Variants in CDH9 observed in about 807,000 individuals in gnomAD.
CDH9 encodes cadherin 9.
A neutral mutation model predicts 70.9 loss-of-function variants in CDH9; 28 were observed. The observed-to-expected ratio is 0.40, with a 90% CI of 0.29 to 0.54. The LOEUF (loss-of-function observed/expected upper bound fraction) is 0.54, where lower values mean the gene tolerates loss of function less well. Ranked by LOEUF, CDH9 falls within the 20% of genes least tolerant of loss-of-function variation. CDH9 has a pLI of 0.59. For synonymous variants in CDH9, 409 were observed against 343.1 expected, an observed-to-expected ratio of 1.19 and a Z score of -2.12; for missense variants, 874 against 984.4, an observed-to-expected ratio of 0.89 and a Z score of 1.50.
chr5:26,939,101 T>A (rs1358162799), intron 2 of CDH9, among the ~76,000 whole-genome samples: 9 of 151,940 alleles, frequency 5.9e-5, no homozygotes, highest in Admixed American at 5.9e-4. Flanking sequence ...TTTCACCAAG[T>A]TATTGGAAGG....
At chr5:26,927,685 A>G (rs905807342) in intron 2 of CDH9, among the ~76,000 whole-genome samples, 1 of 152,078 alleles carries the variant, frequency 6.6e-6, no homozygotes, top group Admixed American at 6.6e-5. Flanking sequence ...AGGATTTTGC[A>G]CTAGATTCTC....
At chr5:27,016,232 T>C (rs1255542795) in intron 1 of CDH9, among the ~76,000 whole-genome samples, 9 of 151,924 alleles carry the variant, frequency 5.9e-5, no homozygotes, top group South Asian at 2.1e-4. Context: ...AGAACACTGA[T>C]ATAATGTCAA....
At chr5:26,912,345 C>A (rs1741068545) in intron 3 of CDH9, among the ~76,000 whole-genome samples, 1 of 151,796 alleles carries the variant, frequency 6.6e-6, no homozygotes, top group South Asian at 2.1e-4. Flanking sequence ...TAAAGAAAAT[C>A]ACACCTGCAA....
chr5:26,972,738 A>C (rs1217523125), intron 2 of CDH9, among the ~76,000 whole-genome samples: 1 of 152,202 alleles, frequency 6.6e-6, no homozygotes, highest in African/African-American at 2.4e-5. Context: ...ATGGTCAAAC[A>C]CTGAAAAAAG....
chr5:26,935,065 G>C (rs1741535973), intron 2 of CDH9, among the ~76,000 whole-genome samples: 1 of 152,062 alleles, frequency 6.6e-6, no homozygotes, highest in South Asian at 2.1e-4. Flanking sequence ...TTCCAGGTAT[G>C]CAAGACTGAT....
chr5:26,977,531 C>G (rs984967657), intron 2 of CDH9, among the ~76,000 whole-genome samples: 1 of 144,126 alleles, frequency 6.9e-6, no homozygotes, highest in Non-Finnish European at 1.5e-5. Context: ...TAACCAGGAG[C>G]AAACAAAGAC....
chr5:26,926,369 G>A (rs1332412768), intron 2 of CDH9, among the ~76,000 whole-genome samples: 1 of 152,162 alleles, frequency 6.6e-6, no homozygotes, highest in African/African-American at 2.4e-5. Context: ...CAATACCTAG[G>A]AATCCAACCT....
rs1742256965 is a variant in CDH9, at chr5:26,973,576, AT to A, written c.228+14529del. On this transcript the variant is annotated intron_variant, in intron 2 of 11. Transcript: ENST00000231021. ...TGTAATTATATAACACTATTCGTCA[AT>A]TTCAACCTCTTCCATGGCCAAAGCT... Among the ~76,000 whole-genome samples, 3 of 152,134 alleles carry A rather than the reference AT, an allele frequency of 2.0e-5. No individual in the cohort carries two copies. The South Asian group carries it at 6.2e-4, about 31-fold the overall frequency.
chr5:26,922,199 T>C (rs1741257648), intron 2 of CDH9, among the ~76,000 whole-genome samples: 1 of 151,430 alleles, frequency 6.6e-6, no homozygotes, highest in Non-Finnish European at 1.5e-5. Context: ...CTTCCAAAAT[T>C]TAGAAAAAAA....
intron 2 of CDH9, among the ~76,000 whole-genome samples, chr5:26,952,107 G>A (rs746512251): frequency 5.3e-5 from 8 of 150,846 alleles, no homozygotes; most frequent in African/African-American, 1.5e-4. Flanking sequence ...GAGATGACAG[G>A]TGCCTGTCAC....
At chr5:26,965,175 T>C (rs568651683) in intron 2 of CDH9, among the ~76,000 whole-genome samples, 14 of 152,286 alleles carry the variant, frequency 9.2e-5, no homozygotes, top group Middle Eastern at 3.4e-3. Flanking sequence ...ACAATTAAGT[T>C]ATTCTATCAA....
In CDH9 at chr5:26,902,516, C is replaced by T; in HGVS notation, c.1213G>A (p.Val405Ile). ...CTGGCATCTGGATCGTATGCTGTAA[C>T]CTGTCCAATGATACTGCCCTCCTTT... ...DVKEGSIIGQ[V>I]TAYDPDARNN... Residue 405 changes from valine to isoleucine, a missense_variant, in exon 7 of 12, where the codon GTT (valine) becomes ATT (isoleucine). Physicochemically the swap from Val to Ile is conservative, Grantham distance 29. Transcript: ENST00000231021. 2 of 1,605,964 alleles carry T rather than the reference C, an allele frequency of 1.2e-6. No individual in the cohort carries two copies. Among genetic ancestry groups the T allele is most frequent in the Non-Finnish European group, 1.7e-6 (2 of 1,173,032 alleles).
intron 1 of CDH9, among the ~76,000 whole-genome samples, chr5:27,003,128 C>G (rs992450128): frequency 2.0e-5 from 3 of 151,910 alleles, no homozygotes; most frequent in African/African-American, 7.2e-5. Context: ...CTGAAAAACC[C>G]AAATTCAAAA....
At chr5:26,999,846 A>G (rs2112104056) in intron 1 of CDH9, among the ~76,000 whole-genome samples, 1 of 152,280 alleles carries the variant, frequency 6.6e-6, no homozygotes, top group East Asian at 1.9e-4. Flanking sequence ...AACAAATCCT[A>G]TCCTTTGCTT....
chr5:26,881,713 A>G, intron 11 of CDH9, 90 bp from the exon 12 acceptor site: 1 of 1,146,888 alleles, frequency 8.7e-7, no homozygotes, highest in Non-Finnish European at 1.2e-6. Context: ...TTGGTGCAGG[A>G]GATATTAAGA....
chr5:26,942,673 C>T (rs1012173996), intron 2 of CDH9, among the ~76,000 whole-genome samples: 3 of 152,212 alleles, frequency 2.0e-5, no homozygotes, highest in Middle Eastern at 6.8e-3. Context: ...AAGTTCTAAA[C>T]ACCCCGGGTG....
At chr5:26,964,108 T>G (rs1458364264) in intron 2 of CDH9, among the ~76,000 whole-genome samples, 1 of 140,542 alleles carries the variant, frequency 7.1e-6, no homozygotes, top group Non-Finnish European at 1.6e-5. Flanking sequence ...CTCATACTGT[T>G]TTATACTTTA....
chr5:26,961,635 T>A (rs1742036299), intron 2 of CDH9, among the ~76,000 whole-genome samples: 1 of 152,144 alleles, frequency 6.6e-6, no homozygotes, highest in Non-Finnish European at 1.5e-5. Context: ...AATATTTTAA[T>A]TTAAAAATAA....
intron 2 of CDH9, among the ~76,000 whole-genome samples, chr5:26,963,071 G>C (rs1327930600): frequency 1.3e-5 from 2 of 152,036 alleles, no homozygotes; most frequent in African/African-American, 4.8e-5. Context: ...CATTAAACAA[G>C]TTCAAAAACA....
Sources: gnomAD v4.1 joint callset for allele counts (sites outside exome capture counted in the v4.1 genomes callset) on GRCh38, gnomAD v4.1.1 for gene constraint, MANE v1.5 for transcripts, NCBI Gene and HGNC (gene_info 2026-07-23, HGNC 2026-07-21) for gene names.